Variants in LIG1 observed in about 807,000 individuals in gnomAD.
LIG1 encodes the protein DNA ligase 1, also known as ligase I, DNA, ATP-dependent.
LIG1 carries 70 observed loss-of-function variants against 115.7 expected under a neutral mutation model. That is an observed-to-expected ratio of 0.60 (90% CI 0.50 to 0.74). The LOEUF is 0.74. LIG1 is among the 30% of genes least tolerant of loss of function. The pLI is 0.00. For synonymous variants in LIG1, 487 were observed against 495.3 expected (o/e 0.98, Z 0.22); for missense variants, 1,115 against 1,225.6 (o/e 0.91, Z 1.35).
intron 3 of LIG1, 126 bp from the exon 4 acceptor site, chr19:48,161,633 T>G: frequency 8.8e-7 from 1 of 1,133,226 alleles, no homozygotes; most frequent in Non-Finnish European, 1.3e-6. Context: ...ATGAACATTT[T>G]CTGGTTGTCT....
In LIG1 at chr19:48,150,178, G is replaced by C; in HGVS notation, c.607C>G (p.Pro203Ala). Residue 203 changes from proline (P) to alanine (A), a missense_variant, in exon 8 of 28, where the codon CCT becomes GCT. Pro to Ala is a conservative substitution (Grantham distance 27). Transcript: ENST00000263274. ...AGTTCCTGCTTCGTGGCCACCTCAG[G>C]CTCTGAAACGCTTTCCGTCGGGGTC... ...AETPTESVSE[P>A]EVATKQELQE... 2.5e-6 allele frequency: 4 copies of C among 1,614,146 alleles called. No homozygotes were observed. The highest frequency in any genetic ancestry group is 3.4e-6 in the Non-Finnish European group (4 of 1,180,042).
At position 48,137,097 on chromosome 19, in the gene LIG1, G is replaced by A; in HGVS notation, c.1255-13C>T. 1.9e-6 allele frequency: 3 copies of A among 1,607,654 alleles called. No individual in the cohort carries two copies. The highest frequency in any genetic ancestry group is 2.2e-5 in the South Asian group (2 of 90,312). On this transcript the variant is annotated splice_polypyrimidine_tract_variant and intron_variant, in intron 13 of 27. Coordinates refer to ENST00000263274, the MANE Select transcript of LIG1 (RefSeq NM_000234.3). This position sits in a 1 kb window ranked among gnomAD's most constrained non-coding sequence, Gnocchi z 4.3. ...TCTTGGCTGTGGACTGGAGAGTCAG[G>A]GGAAGAGCCGTCAGTGCCTGGTGAA...
In LIG1 at chr19:48,136,049, T is replaced by A. The variant is rs764996317; in HGVS notation, c.1408A>T (p.Thr470Ser). The A allele has an allele frequency of 1.9e-6, 3 of 1,566,848 alleles. No homozygotes were observed. The highest frequency in any genetic ancestry group is 1.7e-6 in the Non-Finnish European group (2 of 1,156,418). ...LAALSQAVSL[T>S]PPGQEFPPAM... is the part of the protein sequence containing the mutation. ...AGGAGCTCACCTTGGCCCGGGGGCG[T>A]GAGGCTCACTGCCTGGGAGAGGGCA... Residue 470 changes from threonine to serine, a missense_variant, in exon 15 of 28, where the codon ACG becomes TCG. Thr to Ser is a moderately conservative substitution (Grantham distance 58, BLOSUM62 1). Coordinates refer to ENST00000263274, the MANE Select transcript of LIG1 (RefSeq NM_000234.3).
intron 2 of LIG1, among the ~76,000 whole-genome samples, 163 bp downstream of exon 2, chr19:48,165,387 T>C (rs771789953): frequency 1.3e-5 from 2 of 152,236 alleles, no homozygotes; most frequent in African/African-American, 2.4e-5. Context: ...CTGTCTTCCA[T>C]ATCCCACGGC....
chr19:48,127,809 A>T, intron 20 of LIG1, 101 bp downstream of exon 20: 1 of 958,856 alleles, frequency 1.0e-6, no homozygotes, highest in Non-Finnish European at 1.7e-6. Context: ...ATCCAGACTG[A>T]CACTCTGCCC....
intron 3 of LIG1, among the ~76,000 whole-genome samples, chr19:48,161,988 C>CGTGGCCA (rs3730856): frequency 0.05 from 7,582 of 151,964 alleles, 450 homozygotes; most frequent in African/African-American, 0.14. Context: ...AGCATCAAGA[C>CGTGGCCA]GTGGCCAGTG....
At position 48,119,919 on chromosome 19, in the gene LIG1, G is replaced by A. The variant is rs181516827; in HGVS notation, c.2386-729C>T. On this transcript the variant is annotated intron_variant, in intron 24 of 27. Transcript: ENST00000263274. ...AAGGCTAAAAATTAGCAGTAATGCT[G>A]GATGCTGGCAGATACGCAGCAAGTG... 4.6e-5 allele frequency among the ~76,000 whole-genome samples: 7 copies of A among 152,308 alleles called. No homozygotes were observed. In the East Asian group the frequency reaches 1.3e-3, roughly 29 times the overall value.
intron 16 of LIG1, 35 bp downstream of exon 16, chr19:48,135,645 G>A: frequency 6.6e-7 from 1 of 1,521,538 alleles, no homozygotes; most frequent in Admixed American, 1.7e-5. Context: ...TCTGCCCACA[G>A]CCCCTGGCAA....
chr19:48,120,593 C>T lies in LIG1; in HGVS notation c.2385+577G>A, dbSNP rs1000329711. ...ACTTGAAAAAAAGTAAATCACTTTA[C>T]ATTTCCCAGAATTCCTTGCAGCTAG... is the stretch of plus-strand genomic sequence containing the variant. On this transcript the variant is annotated intron_variant, in intron 24 of 27. Coordinates refer to ENST00000263274, the MANE Select transcript of LIG1 (RefSeq NM_000234.3). 3 of 980,710 alleles carry T rather than the reference C, an allele frequency of 3.1e-6. No individual in the cohort carries two copies. In the African/African-American group the frequency reaches 5.2e-5, roughly 17 times the overall value. 60.8% of individuals were successfully genotyped at this position (980,710 alleles called of 1,614,324 possible).
chr19:48,158,764 C>T (rs949489246), intron 4 of LIG1, among the ~76,000 whole-genome samples: 4 of 152,202 alleles, frequency 2.6e-5, no homozygotes, highest in Non-Finnish European at 5.9e-5. Flanking sequence ...ATCAGAGACC[C>T]TGGCATCTCC....
chr19:48,119,364 C>T (rs949262020), intron 24 of LIG1, among the ~76,000 whole-genome samples, 174 bp from the exon 25 acceptor site: 2 of 152,050 alleles, frequency 1.3e-5, no homozygotes, highest in Non-Finnish European at 2.9e-5. Flanking sequence ...CCAGAGACTC[C>T]CGGGTGGGAA....
rs546310586 is a variant in LIG1, at chr19:48,122,844, G to T, written c.2232+90C>A. On this transcript the variant is annotated intron_variant, in intron 23 of 27. Transcript: ENST00000263274. This position sits in a 1 kb window ranked among gnomAD's most constrained non-coding sequence, Gnocchi z 4.3. ...AAAAGGGGCCCTGAGCTCAGACAGG[G>T]TACACAGTGGAGGCTCGAAATCCAC... is the stretch of plus-strand genomic sequence containing the variant. 4.4e-5 allele frequency: 52 copies of T among 1,169,586 alleles called. No homozygotes were observed. The highest frequency in any genetic ancestry group is 6.5e-5 in the Non-Finnish European group (50 of 774,694). The allele number at this position is 1,169,586 out of a possible 1,614,324, so 72.5% of individuals were successfully genotyped here.
intron 18 of LIG1, among the ~76,000 whole-genome samples, chr19:48,131,934 CTTTT>C (rs34833018): frequency 3.8e-5 from 5 of 131,876 alleles, no homozygotes; most frequent in Non-Finnish European, 6.3e-5. Flanking sequence ...TGGATCCACC[CTTTT>C]TTTTTTTTTT....
chr19:48,160,284 G>C (rs1285581303), intron 4 of LIG1, among the ~76,000 whole-genome samples: 1 of 152,224 alleles, frequency 6.6e-6, no homozygotes, highest in East Asian at 1.9e-4. Context: ...AGTGATATCT[G>C]AGCAAAGCAT....
At chr19:48,136,816 C>G (rs2034419804) in intron 14 of LIG1, among the ~76,000 whole-genome samples, 192 bp downstream of exon 14, 1 of 152,230 alleles carries the variant, frequency 6.6e-6, no homozygotes, top group African/African-American at 2.4e-5. Flanking sequence ...ACAGCACTAC[C>G]AAGGGACAGA....
chr19:48,137,044 A>G lies in LIG1; in HGVS notation c.1295T>C (p.Val432Ala), dbSNP rs777137957. Residue 432 changes from valine to alanine, a missense_variant, in exon 14 of 28, where the codon GTG (valine) becomes GCG (alanine). By Grantham distance (64) the Val-to-Ala change is moderately conservative. Coordinates refer to ENST00000263274, the MANE Select transcript of LIG1 (RefSeq NM_000234.3). This position sits in a 1 kb window ranked among gnomAD's most constrained non-coding sequence, Gnocchi z 4.3. ...CCGGGCTTCTGAGTGGCGGCAGGCC[A>G]CAAAGAGGCCTTTGATGATGTCTAT... Reference protein sequence around the residue: ...KKIDIIKGLFVACRHSEARFI... With the variant: ...KKIDIIKGLFAACRHSEARFI... The G allele has an allele frequency of 1.2e-6, 2 of 1,611,944 alleles. No homozygotes were observed.
chr19:48,134,531 G>A (rs575504599), intron 16 of LIG1, among the ~76,000 whole-genome samples: 4 of 152,288 alleles, frequency 2.6e-5, no homozygotes, highest in African/African-American at 4.8e-5. Context: ...GGTGGCACGC[G>A]CCTGTAGTCC....
intron 2 of LIG1, 82 bp from the exon 3 acceptor site, chr19:48,162,433 CTT>C (rs781263098): frequency 0.039 from 23,541 of 607,210 alleles, no homozygotes; most frequent in East Asian, 0.048. Flanking sequence ...CTATAACTTC[CTT>C]TTTTTTTTTT....
chr19:48,150,056 C>G, intron 8 of LIG1, 32 bp downstream of exon 8: 1 of 1,614,076 alleles, frequency 6.2e-7, no homozygotes, highest in African/African-American at 1.3e-5. Context: ...CCTGTACAAC[C>G]CCGGGAGGTG....
Sources: allele counts gnomAD v4.1 joint callset (sites outside exome capture counted in the v4.1 genomes callset), GRCh38; gene constraint gnomAD v4.1.1; non-coding constraint Gnocchi (gnomAD v3.1); transcripts MANE v1.5; gene names NCBI Gene and HGNC (gene_info 2026-07-23, HGNC 2026-07-21).